Variants in MROH9 observed in about 807,000 individuals in gnomAD.
MROH9 encodes maestro heat-like repeat-containing protein family member 9.
Under a neutral mutation model 98.2 loss-of-function variants are expected in MROH9, and 92 were observed. The observed-to-expected ratio is 0.94, with a 90% confidence interval of 0.79 to 1.11. The LOEUF (loss-of-function observed/expected upper bound fraction) is 1.11, where lower values mean the gene tolerates loss of function less well. Among genes scored for constraint, MROH9 ranks in the 50% most tolerant of loss-of-function variants. The probability of loss-of-function intolerance (pLI) is 0.00; values close to 1 mark genes in which losing one functional copy is unlikely to be tolerated. For synonymous variants in MROH9, 397 were observed against 368.9 expected (o/e 1.08, Z -0.87); for missense variants, 1,057 against 1,014.8 (o/e 1.04, Z -0.57).
Position 171,024,023 on chromosome 1 carries a change from C to T in MROH9, c.1909-372C>T, listed in dbSNP as rs149315763. ...GCAATATTTGTCTTTCTGTCCCTGA[C>T]TGATTTCAAATAGCATGATGTCCTC... is the stretch of plus-strand genomic sequence containing the variant. On this transcript the variant is annotated intron_variant, in intron 17 of 21. Transcript: ENST00000367759. Among the ~76,000 whole-genome samples, 113 of 152,282 alleles carry T rather than the reference C, an allele frequency of 7.4e-4. No homozygotes were observed. The Middle Eastern group carries it at 0.01, about 14-fold the overall frequency.
intron 20 of MROH9, among the ~76,000 whole-genome samples, chr1:171,057,491 C>T (rs1273521812): frequency 6.6e-6 from 1 of 152,102 alleles, no homozygotes; most frequent in East Asian, 1.9e-4. Context: ...CAGTGATAGA[C>T]TGGAATACCT....
chr1:171,008,178 G>A (rs1274455489), intron 15 of MROH9, among the ~76,000 whole-genome samples: 1 of 152,064 alleles, frequency 6.6e-6, no homozygotes, highest in Non-Finnish European at 1.5e-5. Context: ...ATTAGCCATT[G>A]TTCTATTCAT....
intron 11 of MROH9, among the ~76,000 whole-genome samples, 186 bp from the exon 12 acceptor site, chr1:170,991,978 T>G (rs1651373417): frequency 6.6e-6 from 1 of 152,146 alleles, no homozygotes. Flanking sequence ...TCTTTCTCTG[T>G]TTTCTAGGAT....
At chr1:171,009,141 T>C (rs1652062177) in intron 15 of MROH9, among the ~76,000 whole-genome samples, 1 of 151,762 alleles carries the variant, frequency 6.6e-6, no homozygotes, top group Non-Finnish European at 1.5e-5. Context: ...ATGGGAGTAA[T>C]AGGGTAGAAT....
intron 20 of MROH9, among the ~76,000 whole-genome samples, chr1:171,049,511 C>G (rs1481542931): frequency 2.0e-5 from 3 of 152,026 alleles, no homozygotes; most frequent in African/African-American, 4.8e-5. Flanking sequence ...TAAACCAACC[C>G]TAGTCAGAGA....
Position 170,947,530 on chromosome 1 carries a change from G to T in MROH9, c.29G>T (p.Ser10Ile), listed in dbSNP as rs1649379810. The change falls in exon 3 of 22, where the codon AGT becomes ATT. Residue 10 changes from serine (S) to isoleucine (I), a missense_variant. Coordinates refer to ENST00000367759, the MANE Select transcript of MROH9 (RefSeq NM_001163629.2). Reference protein sequence around the residue: MLTRNPKTKSSLQILQDSVK... With the variant: MLTRNPKTKISLQILQDSVK... ...GAATCTCCTTCTTTCTGGCTAGAGA[G>T]TAGTCTCCAGATTCTGCAAGACAGT... 6.2e-7 allele frequency: 1 copy of T among 1,610,444 alleles called. No individual in the cohort carries two copies. The highest frequency in any genetic ancestry group is 8.5e-7 in the Non-Finnish European group (1 of 1,177,300).
intron 19 of MROH9, 22 bp downstream of exon 19, chr1:171,024,787 A>G: frequency 7.3e-7 from 1 of 1,374,706 alleles, no homozygotes; most frequent in Non-Finnish European, 1.0e-6. Context: ...TTCCATTTTT[A>G]CTACTATAAG....
chr1:171,038,471 T>C (rs1423863736), intron 20 of MROH9, among the ~76,000 whole-genome samples: 1 of 152,174 alleles, frequency 6.6e-6, no homozygotes, highest in Non-Finnish European at 1.5e-5. Flanking sequence ...GAAATGCATA[T>C]TCTTTTGACT....
chr1:171,025,499 A>AT (rs540846832), intron 20 of MROH9, 79 bp downstream of exon 20: 113 of 904,522 alleles, frequency 1.2e-4, no homozygotes, highest in Middle Eastern at 6.7e-4. Flanking sequence ...TCTTTCTTAC[A>AT]TTTTTTTTAA....
Position 171,025,335 on chromosome 1 carries a change from C to T in MROH9, c.2196C>T (p.Asn732=). Residue 732 remains asparagine, a synonymous_variant, in exon 20 of 22, where the codon AAC becomes AAT. Coordinates refer to ENST00000367759, the MANE Select transcript of MROH9 (RefSeq NM_001163629.2). ...ICNNLIISHR[N]YITDLTSDTL... is the part of the protein sequence containing the mutation. The stretch of plus-strand genomic sequence containing the variant: ...ATTCTCAGATTATTTCTCATAGGAA[C>T]TACATTACAGATTTGACATCTGATA... 3 of 1,546,264 alleles carry T rather than the reference C, an allele frequency of 1.9e-6. No individual in the cohort carries two copies. Among genetic ancestry groups the T allele is most frequent in the Non-Finnish European group, 2.6e-6 (3 of 1,142,330 alleles).
At chr1:171,013,675 AG>A (rs1421803529) in intron 15 of MROH9, among the ~76,000 whole-genome samples, 1 of 152,156 alleles carries the variant, frequency 6.6e-6, no homozygotes, top group African/African-American at 2.4e-5. Flanking sequence ...GAAGCTCCAC[AG>A]GGTTGTGGGT....
intron 21 of MROH9, among the ~76,000 whole-genome samples, chr1:171,062,540 T>A (rs1373371591): frequency 6.6e-6 from 1 of 152,238 alleles, no homozygotes; most frequent in Non-Finnish European, 1.5e-5. Context: ...TCTCTTATGT[T>A]TACGTGACAG....
At chr1:171,009,396 T>C (rs149456742) in intron 15 of MROH9, among the ~76,000 whole-genome samples, 1 of 152,326 alleles carries the variant, frequency 6.6e-6, no homozygotes, top group Admixed American at 6.5e-5. Context: ...TAAAGAAATA[T>C]TCACTTTTAC....
chr1:171,033,269 A>G (rs768769384), intron 20 of MROH9, among the ~76,000 whole-genome samples: 1 of 152,268 alleles, frequency 6.6e-6, no homozygotes, highest in Non-Finnish European at 1.5e-5. Flanking sequence ...CTTAGGGTGC[A>G]GGCAGCGGCA....
chr1:170,939,560 C>A (rs1649036595), intron 1 of MROH9, among the ~76,000 whole-genome samples: 1 of 152,178 alleles, frequency 6.6e-6, no homozygotes, highest in Non-Finnish European at 1.5e-5. Context: ...AAAGAGAAGG[C>A]AGTGTAGTAG....
At chr1:171,048,138 C>G (rs1052045384) in intron 20 of MROH9, among the ~76,000 whole-genome samples, 3 of 152,154 alleles carry the variant, frequency 2.0e-5, no homozygotes, top group Admixed American at 2.0e-4. Flanking sequence ...TCACCCAAGG[C>G]CTACTGTGAC....
intron 20 of MROH9, among the ~76,000 whole-genome samples, chr1:171,052,524 A>G (rs981898729): frequency 1.3e-5 from 2 of 152,218 alleles, no homozygotes; most frequent in South Asian, 2.1e-4. Context: ...ATGTCCAGGT[A>G]TAGAGCGAAG....
At chr1:170,971,949 G>A in intron 8 of MROH9, 66 bp downstream of exon 8, 2 of 1,544,846 alleles carry the variant, frequency 1.3e-6, no homozygotes, top group African/African-American at 1.4e-5. Flanking sequence ...TCAACTTATA[G>A]GTCCTGGGAA....
rs1169321509 is a variant in MROH9, at chr1:171,014,162, G to A, written c.1642G>A (p.Val548Ile). The stretch of plus-strand genomic sequence containing the variant: ...GGACCCTTTACCAGAAGAATTTTTG[G>A]TCCTCTTCATAAACTGGATCAATGA... ...FKDPLPEEFL[V>I]LFINWINDSN... Residue 548 changes from valine to isoleucine, a missense_variant, in exon 16 of 22, where the codon GTC becomes ATC. By Grantham distance (29) the Val-to-Ile change is conservative. Transcript: ENST00000367759. The A allele has an allele frequency of 6.4e-7, 1 of 1,550,796 alleles. No individual in the cohort carries two copies. Among genetic ancestry groups the A allele is most frequent in the Non-Finnish European group, 8.7e-7 (1 of 1,146,506 alleles).
Sources: allele counts gnomAD v4.1 joint callset (sites outside exome capture counted in the v4.1 genomes callset), GRCh38; gene constraint gnomAD v4.1.1; transcripts MANE v1.5; gene names NCBI Gene and HGNC (gene_info 2026-07-23, HGNC 2026-07-21).